The following CNFN variants were observed in gnomAD, a reference collection of about 807,000 sequenced individuals.
CNFN encodes the protein cornefied envelope protein cornefilin.
CNFN carries 10 observed loss-of-function variants against 14.9 expected under a neutral mutation model. That is an observed-to-expected ratio of 0.67 (90% confidence interval 0.41 to 1.14). The LOEUF (loss-of-function observed/expected upper bound fraction) is 1.14. Ranked by LOEUF, CNFN falls within the 50% of genes most tolerant of loss-of-function variation. CNFN has a pLI of 0.00. For missense variants in CNFN, 165 were observed against 152.8 expected, an observed-to-expected ratio of 1.08 and a Z score of -0.42; for synonymous variants, 66 against 60.0, an observed-to-expected ratio of 1.10 and a Z score of -0.46.
rs900240284 is a variant in CNFN, at chr19:42,387,594, G to C, written c.113-118C>G. On this transcript the variant is annotated intron_variant, in intron 2 of 3. Coordinates refer to ENST00000222032, the MANE Select transcript of CNFN (RefSeq NM_032488.4). Reference sequence around the variant, plus strand: ...GCATTGAGGGTCCCAGCCAAGGAGAGGTCCCAGAGGGAATTAGAGGTCCGA... The same window carrying C: ...GCATTGAGGGTCCCAGCCAAGGAGACGTCCCAGAGGGAATTAGAGGTCCGA... 9.1e-6 allele frequency: 6 copies of C among 660,604 alleles called. No individual in the cohort carries two copies. In the African/African-American group the frequency reaches 1.2e-4, roughly 13 times the overall value. The allele number at this position is 660,604 out of a possible 1,614,324, so 40.9% of individuals were successfully genotyped here.
rs201924743 is a variant in CNFN at position 42,387,385 on chromosome 19, G to A, written c.204C>T (p.Gly68=). ...GCATGCCGGTGCGGATGGAGTGCAGGCCTCCGGGCAGGTAGGGCGCGCAGC... is the reference window on the plus strand; with the variant it reads ...GCATGCCGGTGCGGATGGAGTGCAGACCTCCGGGCAGGTAGGGCGCGCAGC... ...ECCCAPYLPG[G]LHSIRTGMRE... Residue 68 remains glycine (G), a synonymous_variant, in exon 3 of 4, where the codon GGC becomes GGT. Transcript: ENST00000222032. 3.6e-3 allele frequency: 5,820 copies of A among 1,600,996 alleles called. 149 individuals are homozygous for A. Among genetic ancestry groups the A allele is most frequent in the East Asian group, 4.4e-3 (196 of 44,134 alleles).
At chr19:42,389,246 C>T (rs1392255681) in intron 1 of CNFN, among the ~76,000 whole-genome samples, 2 of 152,346 alleles carry the variant, frequency 1.3e-5, no homozygotes, top group Middle Eastern at 3.4e-3. Flanking sequence ...GGCTCCTGCA[C>T]GTCTGGTTAG....
chr19:42,387,530 TCCGCC>T, intron 2 of CNFN, 54 bp from the exon 3 acceptor site: 1 of 1,407,022 alleles, frequency 7.1e-7, no homozygotes, highest in South Asian at 1.5e-5. Flanking sequence ...TCCCGACGGC[TCCGCC>T]CCGGGGGGGG....
At chr19:42,388,000 C>CCAAAAAAAAAAAAAAAAAAAAA (rs2039868336) in intron 2 of CNFN, among the ~76,000 whole-genome samples, 1 of 138,816 alleles carries the variant, frequency 7.2e-6, no homozygotes, top group Admixed American at 7.3e-5. Flanking sequence ...AAAAACAAAA[C>CCAAAAAAAAAAAAAAAAAAAAA]AAAAAAAAAA....
At position 42,388,932 on chromosome 19, in the gene CNFN, G is replaced by T. The variant is rs1205900615; in HGVS notation, c.106C>A (p.Pro36Thr). 1 of 1,611,140 alleles carries T rather than the reference G, an allele frequency of 6.2e-7. No homozygotes were observed. Among genetic ancestry groups the T allele is most frequent in the South Asian group, 1.1e-5 (1 of 90,968 alleles). ...GGAGCAGGCAGGCACTCACAGACAG[G>T]CATGTCGTTGCAGCAGTCCGTGAGA... ...TGLTDCCNDM[P>T]VCLCGTFAPL... is the part of the protein sequence containing the mutation. Residue 36 changes from proline (P) to threonine (T), a missense_variant, in exon 2 of 4, where the codon CCT (proline) becomes ACT (threonine). Transcript: ENST00000222032.
chr19:42,387,569 G>T (rs1363368094), intron 2 of CNFN, 93 bp from the exon 3 acceptor site: 16 of 893,292 alleles, frequency 1.8e-5, no homozygotes, highest in Middle Eastern at 3.4e-4. Flanking sequence ...CCGCGGAGGG[G>T]CATTGAGGGT....
At chr19:42,387,590 G>C in intron 2 of CNFN, 114 bp from the exon 3 acceptor site, 2 of 717,526 alleles carry the variant, frequency 2.8e-6, no homozygotes, top group East Asian at 5.8e-5. Context: ...CCCAGCCAAG[G>C]AGAGGTCCCA....
At position 42,388,927 on chromosome 19, in the gene CNFN, G is replaced by A. The variant is rs2039876590; in HGVS notation, c.111C>T (p.Val37=). Residue 37 remains valine (V), a splice_region_variant and synonymous_variant, in exon 2 of 4, where the codon GTC becomes GTT. Coordinates refer to ENST00000222032, the MANE Select transcript of CNFN (RefSeq NM_032488.4). The stretch of plus-strand genomic sequence containing the variant: ...GAGAGGGAGCAGGCAGGCACTCACA[G>A]ACAGGCATGTCGTTGCAGCAGTCCG... The part of the protein sequence containing the change: ...GLTDCCNDMP[V]CLCGTFAPLC... The A allele has an allele frequency of 6.2e-7, 1 of 1,610,350 alleles. No homozygotes were observed. The highest frequency in any genetic ancestry group is 1.3e-5 in the African/African-American group (1 of 74,884).
At chr19:42,388,229 T>A (rs1176335214) in intron 2 of CNFN, among the ~76,000 whole-genome samples, 2 of 152,022 alleles carry the variant, frequency 1.3e-5, no homozygotes, top group Non-Finnish European at 2.9e-5. Context: ...AATCTCGCTC[T>A]GTTGCCCAGA....
chr19:42,389,631 G>T, intron 1 of CNFN: 6 of 606,562 alleles, frequency 9.9e-6, no homozygotes, highest in South Asian at 9.7e-5. Flanking sequence ...GGGGGCAAGG[G>T]ACTGGGGCAC....
chr19:42,388,581 C>T (rs1008491009), intron 2 of CNFN, among the ~76,000 whole-genome samples: 6 of 152,162 alleles, frequency 3.9e-5, no homozygotes, highest in Non-Finnish European at 7.3e-5. Flanking sequence ...GATTGTCATG[C>T]CTTGGCCTCC....
Position 42,387,486 on chromosome 19 carries a change from G to A in CNFN, c.113-10C>T, listed in dbSNP as rs898494997. On this transcript the variant is annotated splice_polypyrimidine_tract_variant and intron_variant, in intron 2 of 3. Coordinates refer to ENST00000222032, the MANE Select transcript of CNFN (RefSeq NM_032488.4). ...AAAGTGCCGCACAGACCTGGGCGGG[G>A]CGCAGGCGCTCAGGGGCGGGGCCAG... 6.4e-7 allele frequency: 1 copy of A among 1,556,484 alleles called. No homozygotes were observed. Among genetic ancestry groups the A allele is most frequent in the Non-Finnish European group, 8.7e-7 (1 of 1,153,300 alleles).
rs533091468 is a variant in CNFN at position 42,387,019 on chromosome 19, T to C, written c.*134A>G. The C allele has an allele frequency of 4.6e-5, 37 of 798,676 alleles. No homozygotes were observed. The African/African-American group carries it at 4.8e-4, about 10-fold the overall frequency. The allele number at this position is 798,676 out of a possible 1,614,324, so 49.5% of individuals were successfully genotyped here. A position where few individuals can be genotyped will look rare whatever the true frequency, so the allele number is the denominator to read the frequency against. ...TGGGACAAAATGGATGTAGGCGGAG[T>C]TGGTTTTCAGGTTTTTATTGTGGGT... On this transcript the variant is annotated 3_prime_UTR_variant, in exon 4 of 4. Coordinates refer to ENST00000222032, the MANE Select transcript of CNFN (RefSeq NM_032488.4).
intron 2 of CNFN, among the ~76,000 whole-genome samples, chr19:42,388,525 A>T (rs771357898): frequency 1.3e-5 from 2 of 151,848 alleles, no homozygotes; most frequent in African/African-American, 4.8e-5. Context: ...AGAGATGGGG[A>T]TCTCATTATG....
At chr19:42,389,473 C>A in intron 1 of CNFN, 1 of 1,291,562 alleles carries the variant, frequency 7.7e-7, no homozygotes, top group Non-Finnish European at 1.0e-6. Flanking sequence ...GTTGCTGGTC[C>A]ACCCAGCGGT....
chr19:42,389,180 C>G, intron 1 of CNFN, 141 bp from the exon 2 acceptor site: 2 of 648,364 alleles, frequency 3.1e-6, no homozygotes, highest in Non-Finnish European at 5.3e-6. Flanking sequence ...TGTGCCTCCC[C>G]CTTCCCTTCT....
intron 1 of CNFN, chr19:42,389,626 CA>C: frequency 3.4e-6 from 1 of 295,164 alleles, no homozygotes; most frequent in Non-Finnish European, 5.0e-6. Context: ...GAGGTGGGGG[CA>C]AGGGACTGGG....
At chr19:42,387,674 C>CTTT (rs1303771648) in intron 2 of CNFN, among the ~76,000 whole-genome samples, 198 bp from the exon 3 acceptor site, 3 of 127,868 alleles carry the variant, frequency 2.3e-5, no homozygotes, top group East Asian at 2.3e-4. Context: ...TTTTTTTCTT[C>CTTT]TTTTTTTTTT....
At chr19:42,390,169 A>T (rs557251236) in intron 1 of CNFN, 71 bp downstream of exon 1, 3 of 154,776 alleles carry the variant, frequency 1.9e-5, no homozygotes, top group African/African-American at 4.8e-5. Context: ...TATGAGTGGG[A>T]TGAGGAGGAG....
Sources: gnomAD v4.1 joint callset for allele counts (sites outside exome capture counted in the v4.1 genomes callset) on GRCh38, gnomAD v4.1.1 for gene constraint, MANE v1.5 for transcripts, NCBI Gene and HGNC (gene_info 2026-07-23, HGNC 2026-07-21) for gene names.